PRRC2B: variants seen among roughly 807,000 people sequenced by gnomAD.
PRRC2B encodes the protein proline rich coiled-coil 2B.
PRRC2B carries 68 observed loss-of-function variants against 242.3 expected under a neutral mutation model. The ratio of observed to expected loss-of-function variants is 0.28; its 90% CI spans 0.23 to 0.34. The LOEUF (loss-of-function observed/expected upper bound fraction) is 0.34, where lower values mean the gene tolerates loss of function less well. Among genes scored for constraint, PRRC2B ranks in the 10% least tolerant of loss-of-function variants. The probability of loss-of-function intolerance (pLI) is 1.00; values close to 1 mark genes in which losing one functional copy is unlikely to be tolerated. For missense variants in PRRC2B, 2,835 were observed against 2,954.8 expected (o/e 0.96, Z 0.94); for synonymous variants, 1,228 against 1,173.6 (o/e 1.05, Z -0.95).
At chr9:131,491,670 A>G in intron 29 of PRRC2B, 90 bp downstream of exon 29, 1 of 1,267,426 alleles carries the variant, frequency 7.9e-7, no homozygotes, top group South Asian at 1.6e-5. Context: ...GTGTGGTAGA[A>G]AGAGCCAGTG....
At chr9:131,405,816 A>G (rs1200555608) in intron 1 of PRRC2B, among the ~76,000 whole-genome samples, 1 of 152,116 alleles carries the variant, frequency 6.6e-6, no homozygotes, top group Non-Finnish European at 1.5e-5. Flanking sequence ...TCTCCCTTGC[A>G]GGCACAGTGC....
upstream of PRRC2B, among the ~76,000 whole-genome samples, chr9:131,392,356 C>G (rs572350532): frequency 6.6e-6 from 1 of 152,274 alleles, no homozygotes; most frequent in African/African-American, 2.4e-5. Flanking sequence ...CTCGACCTAC[C>G]AAAGTGGTGG....
Position 131,483,000 on chromosome 9 carries a change from AGGAAT to A in PRRC2B, c.5373+94_5373+98del. On this transcript the variant is annotated intron_variant, in intron 22 of 31. Coordinates refer to ENST00000683519, the MANE Select transcript of PRRC2B (RefSeq NM_013318.4). The surrounding 1 kb of genome is among the most constrained non-coding windows in gnomAD (Gnocchi z 5.2). ...GGCTCAGATGGGATTGTCTCCTAGA[AGGAAT>A]AGAAGGATGGGAGCCAAGCAGTCTT... The A allele has an allele frequency of 7.1e-7, 1 of 1,409,436 alleles. No homozygotes were observed. Among genetic ancestry groups the A allele is most frequent in the Non-Finnish European group, 9.7e-7 (1 of 1,028,330 alleles). The allele number at this position is 1,409,436 out of a possible 1,614,324, so 87.3% of individuals were successfully genotyped here. A position where few individuals can be genotyped will look rare whatever the true frequency, so the allele number is the denominator to read the frequency against.
At chr9:131,470,278 C>T (rs1943505814) in intron 13 of PRRC2B, among the ~76,000 whole-genome samples, 1 of 152,094 alleles carries the variant, frequency 6.6e-6, no homozygotes, top group Non-Finnish European at 1.5e-5. Flanking sequence ...CGGTGGAGAA[C>T]CACTGAAGGC....
chr9:131,481,669 A>G, intron 19 of PRRC2B, 57 bp from the exon 20 acceptor site: 1 of 1,377,556 alleles, frequency 7.3e-7, no homozygotes, highest in Non-Finnish European at 1.0e-6. Context: ...AAGAGCTCAT[A>G]AACTCTCTAG....
chr9:131,460,140 A>T (rs1943201881), intron 11 of PRRC2B, among the ~76,000 whole-genome samples: 1 of 152,200 alleles, frequency 6.6e-6, no homozygotes, highest in African/African-American at 2.4e-5. Flanking sequence ...CAAGATGGGG[A>T]CATTCCACCC....
At position 131,477,783 on chromosome 9, in the gene PRRC2B, C is replaced by T. The variant is rs202133452; in HGVS notation, c.4446C>T (p.Cys1482=). 1 of 1,609,362 alleles carries T rather than the reference C, an allele frequency of 6.2e-7. No individual in the cohort carries two copies. ...CCTTGCCTGGAGGTCTTAGTGGCTG[C>T]AGCAGTGGGAGTGGCCACTCCCCCT... ...DEALPGGLSG[C]SSGSGHSPYA... The change falls in exon 17 of 32, where the codon TGC becomes TGT. Residue 1482 remains cysteine (C), a synonymous_variant. Coordinates refer to ENST00000683519, the MANE Select transcript of PRRC2B (RefSeq NM_013318.4).
intron 9 of PRRC2B, among the ~76,000 whole-genome samples, chr9:131,448,560 A>AACAAAAAAAAAAAAAAAAC (rs1564287317): frequency 7.4e-6 from 1 of 135,224 alleles, no homozygotes; most frequent in African/African-American, 2.7e-5. Flanking sequence ...AAAAAAAAAA[A>AACAAAAAAAAAAAAAAAAC]AAAAAAAAAA....
chr9:131,472,471 ATTTTTTTTT>A (rs749051569), intron 14 of PRRC2B, among the ~76,000 whole-genome samples: 1 of 91,522 alleles, frequency 1.1e-5, no homozygotes, highest in Admixed American at 1.3e-4. Flanking sequence ...CGCCCAGCTA[ATTTTTTTTT>A]TTTTTTTTTT....
intron 1 of PRRC2B, among the ~76,000 whole-genome samples, chr9:131,395,491 ACT>A (rs1293436855): frequency 6.6e-6 from 1 of 151,680 alleles, no homozygotes; most frequent in African/African-American, 2.4e-5. Context: ...AAACCTAGTG[ACT>A]CTGGGGCTGT....
intron 5 of PRRC2B, among the ~76,000 whole-genome samples, chr9:131,441,944 A>T (rs1013195176): frequency 1.1e-4 from 16 of 150,712 alleles, no homozygotes; most frequent in African/African-American, 3.7e-4. Context: ...ATCATAAAAC[A>T]TTGGGACCTT....
intron 1 of PRRC2B, among the ~76,000 whole-genome samples, chr9:131,422,275 G>A (rs964582788): frequency 2.0e-5 from 3 of 152,022 alleles, no homozygotes; most frequent in Admixed American, 2.0e-4. Flanking sequence ...GCATGGTCTC[G>A]ATCTCTTGAC....
intron 1 of PRRC2B, among the ~76,000 whole-genome samples, chr9:131,428,387 A>C (rs1443355481): frequency 1.3e-5 from 2 of 151,016 alleles, no homozygotes; most frequent in Non-Finnish European, 1.5e-5. Context: ...TGCCCTGCTA[A>C]TTATTTTTAT....
chr9:131,432,313 C>A (rs1441794622), intron 2 of PRRC2B, among the ~76,000 whole-genome samples: 1 of 152,126 alleles, frequency 6.6e-6, no homozygotes, highest in Non-Finnish European at 1.5e-5. Context: ...GCTGGAGGTT[C>A]CTGGGCCTGT....
chr9:131,493,807 C>T (rs1264447037), intron 30 of PRRC2B, among the ~76,000 whole-genome samples: 5 of 151,902 alleles, frequency 3.3e-5, no homozygotes, highest in East Asian at 3.9e-4. Context: ...ACAGGCTGAG[C>T]GGGCCTAGGT....
At position 131,496,142 on chromosome 9, in the gene PRRC2B, C is replaced by T. The variant is rs1293921402; in HGVS notation, c.*268C>T. 9 of 441,240 alleles carry T rather than the reference C, an allele frequency of 2.0e-5. No individual in the cohort carries two copies. Among genetic ancestry groups the T allele is most frequent in the African/African-American group, 5.9e-5 (3 of 50,858 alleles). 27.3% of individuals were successfully genotyped at this position (441,240 alleles called of 1,614,324 possible). A position where few individuals can be genotyped will look rare whatever the true frequency, so the allele number is the denominator to read the frequency against. ...TGCTCCTACCGTGACTGTGGAGTGACGCCTCCTGTGCAGTGCAGATTTGCC... is the reference window on the plus strand; with the variant it reads ...TGCTCCTACCGTGACTGTGGAGTGATGCCTCCTGTGCAGTGCAGATTTGCC... On this transcript the variant is annotated 3_prime_UTR_variant, in exon 32 of 32. Transcript: ENST00000683519.
At chr9:131,492,355 C>A in intron 30 of PRRC2B, 95 bp downstream of exon 30, 1 of 930,152 alleles carries the variant, frequency 1.1e-6, no homozygotes, top group Non-Finnish European at 1.7e-6. Flanking sequence ...CAGGGAGAGC[C>A]GCCAGAGACC....
chr9:131,474,549 C>G lies in PRRC2B; in HGVS notation c.2420C>G (p.Ala807Gly). The G allele has an allele frequency of 6.2e-7, 1 of 1,613,922 alleles. No individual in the cohort carries two copies. Among genetic ancestry groups the G allele is most frequent in the Non-Finnish European group, 8.5e-7 (1 of 1,179,880 alleles). ...FEERGEEYLSAFDKKAQADFD... is the reference protein window; with the variant it reads ...FEERGEEYLSGFDKKAQADFD... ...GAGAGAGGGGAGGAGTACTTGAGTG[C>G]TTTTGACAAGAAGGCCCAAGCAGAC... Residue 807 changes from alanine (A) to glycine (G), a missense_variant, in exon 16 of 32, where the codon GCT becomes GGT. Ala to Gly is a moderately conservative substitution (Grantham distance 60). Around this residue, in one of 7 missense-constraint regions of PRRC2B, gnomAD observed 1,536 missense variants for 1,483.1 expected, o/e 1.04. Transcript: ENST00000683519.
chr9:131,444,165 C>A lies in PRRC2B; in HGVS notation c.470-20C>A, dbSNP rs1362524595. The A allele has an allele frequency of 6.2e-7, 1 of 1,613,582 alleles. No individual in the cohort carries two copies. The highest frequency in any genetic ancestry group is 8.5e-7 in the Non-Finnish European group (1 of 1,179,684). On this transcript the variant is annotated intron_variant, in intron 5 of 31. Transcript: ENST00000683519. The stretch of plus-strand genomic sequence containing the variant: ...TGACTCCATCTCACTTCCTCCATGT[C>A]TACCCCGTCTTCTTGACAGGTTTAA...
Sources: gnomAD v4.1 joint callset for allele counts (sites outside exome capture counted in the v4.1 genomes callset) on GRCh38, gnomAD v4.1.1 for gene constraint, gnomAD v4.1.1 regional missense constraint, Gnocchi (gnomAD v3.1) non-coding constraint, MANE v1.5 for transcripts, NCBI Gene and HGNC (gene_info 2026-07-23, HGNC 2026-07-21) for gene names.